PARP16: variants seen among roughly 807,000 people sequenced by gnomAD.
PARP16 encodes the protein poly(ADP-ribose) polymerase family member 16, also known as protein mono-ADP-ribosyltransferase PARP16.
A neutral mutation model predicts 35.0 loss-of-function variants in PARP16; 31 were observed. That is an observed-to-expected ratio of 0.88 (90% confidence interval 0.66 to 1.19). PARP16 has a LOEUF of 1.19. PARP16 is among the 50% of genes most tolerant of loss of function. The probability of loss-of-function intolerance (pLI) is 0.00; values close to 1 mark genes in which losing one functional copy is unlikely to be tolerated. For synonymous variants in PARP16, 162 were observed against 169.5 expected, an observed-to-expected ratio of 0.96 and a Z score of 0.34; for missense variants, 424 against 411.2, an observed-to-expected ratio of 1.03 and a Z score of -0.27.
rs144707405 is a variant in PARP16, at chr15:65,241,718, T to G, written c.*97+6399A>C. Among the ~76,000 whole-genome samples, 283 of 152,276 alleles carry G rather than the reference T, an allele frequency of 1.9e-3. 3 individuals are homozygous for G. The highest frequency in any genetic ancestry group is 6.1e-3 in the African/African-American group (253 of 41,564). On this transcript the variant is annotated intron_variant and NMD_transcript_variant, in intron 3 of 3. Coordinates refer to the PARP16 transcript ENST00000559805. Reference sequence around the variant, plus strand: ...TTTTTTATATTGAGTGTATATATTTTTATGTATTCTAGATACAAATCATTT... The same window carrying G: ...TTTTTTATATTGAGTGTATATATTTGTATGTATTCTAGATACAAATCATTT...
At chr15:65,257,741 C>A (rs538272375), downstream of PARP16, among the ~76,000 whole-genome samples, 1 of 152,160 alleles carries the variant, frequency 6.6e-6, no homozygotes, top group African/African-American at 2.4e-5. Flanking sequence ...TGACCCTAGA[C>A]CATGTTAGGA....
chr15:65,280,582 A>G (rs1020084251), intron 1 of PARP16, among the ~76,000 whole-genome samples: 2 of 152,228 alleles, frequency 1.3e-5, no homozygotes, highest in African/African-American at 4.8e-5. Context: ...TTTTAAAATT[A>G]TAAAGAAACC....
chr15:65,256,686 C>T (rs893328112), downstream of PARP16, among the ~76,000 whole-genome samples: 5 of 152,034 alleles, frequency 3.3e-5, no homozygotes, highest in African/African-American at 7.2e-5. Flanking sequence ...GGATTACAGG[C>T]GTGAGCCACC....
At chr15:65,240,791 T>C (rs2089052878) in intron 3 of PARP16, among the ~76,000 whole-genome samples, 1 of 152,152 alleles carries the variant, frequency 6.6e-6, no homozygotes, top group Admixed American at 6.5e-5. Flanking sequence ...CTGGATCATG[T>C]GGTAGGTGTA....
At chr15:65,256,731 A>G (rs2089524175), downstream of PARP16, among the ~76,000 whole-genome samples, 1 of 152,016 alleles carries the variant, frequency 6.6e-6, no homozygotes, top group Non-Finnish European at 1.5e-5. Flanking sequence ...AAGTCTTTCA[A>G]GATCTGGTCC....
intron 3 of PARP16, among the ~76,000 whole-genome samples, chr15:65,239,993 C>T (rs1332181914): frequency 2.0e-5 from 2 of 97,982 alleles, no homozygotes. Flanking sequence ...GGTCTCACTC[C>T]GTCACCCAGG....
intron 4 of PARP16, among the ~76,000 whole-genome samples, chr15:65,262,596 A>ACTCCC: frequency 6.6e-6 from 1 of 151,856 alleles, no homozygotes; most frequent in Admixed American, 6.6e-5. Flanking sequence ...AGAGCTCAGG[A>ACTCCC]CTCCCCAGCA....
intron 1 of PARP16, chr15:65,282,436 C>A (rs1032322901): frequency 6.6e-6 from 1 of 152,190 alleles, no homozygotes; most frequent in African/African-American, 2.4e-5. Flanking sequence ...GATCCAGATG[C>A]CCAGTTCTCT....
intron 1 of PARP16, 32 bp from the exon 2 acceptor site, chr15:65,271,104 G>A (rs1162787479): frequency 3.7e-6 from 6 of 1,612,856 alleles, no homozygotes; most frequent in Non-Finnish European, 5.1e-6. Context: ...CATTAGCAAG[G>A]ATCCCGGACA....
At chr15:65,265,220 T>C (rs1234650362) in intron 3 of PARP16, among the ~76,000 whole-genome samples, 3 of 152,246 alleles carry the variant, frequency 2.0e-5, no homozygotes, top group Non-Finnish European at 4.4e-5. Context: ...GGGAAAGGCC[T>C]GCAGCTCCTC....
rs139597012 is a variant in PARP16, at chr15:65,270,862, A to G, written c.312+73T>C. 50 of 1,458,046 alleles carry G rather than the reference A, an allele frequency of 3.4e-5. No homozygotes were observed. The African/African-American group carries it at 6.3e-4, about 18-fold the overall frequency. 90.3% of individuals were successfully genotyped at this position (1,458,046 alleles called of 1,614,324 possible). On this transcript the variant is annotated intron_variant, in intron 2 of 5. Transcript: ENST00000649807. The stretch of plus-strand genomic sequence containing the variant: ...TCACTGGTACACAGGGAAGTCTCAG[A>G]GCCACTGGATTCAGTGCTGTCCTAG...
chr15:65,276,255 T>C (rs900724681), intron 1 of PARP16, among the ~76,000 whole-genome samples: 3 of 152,214 alleles, frequency 2.0e-5, no homozygotes, highest in Non-Finnish European at 4.4e-5. Flanking sequence ...CTAAAACCTG[T>C]CTGCATTTTA....
intron 2 of PARP16, among the ~76,000 whole-genome samples, chr15:65,268,127 C>G (rs1206722294): frequency 6.6e-6 from 1 of 152,140 alleles, no homozygotes. Flanking sequence ...TACCAAGATC[C>G]CATCAAAAGA....
chr15:65,274,393 T>C (rs2090186729), intron 1 of PARP16, among the ~76,000 whole-genome samples: 1 of 151,666 alleles, frequency 6.6e-6, no homozygotes. Context: ...AAACCGCATC[T>C]CCACAAAACA....
At chr15:65,256,224 T>C (rs1256519923), downstream of PARP16, among the ~76,000 whole-genome samples, 3 of 152,064 alleles carry the variant, frequency 2.0e-5, no homozygotes, top group Non-Finnish European at 4.4e-5. Context: ...GTAATAATAG[T>C]AGCAGCAACT....
intron 3 of PARP16, among the ~76,000 whole-genome samples, chr15:65,237,118 C>T (rs1232855496): frequency 1.3e-5 from 2 of 151,790 alleles, no homozygotes; most frequent in African/African-American, 4.8e-5. Flanking sequence ...TGAGTCAGGC[C>T]TGGGAGGGCT....
chr15:65,282,214 T>C (rs939895275), intron 1 of PARP16, among the ~76,000 whole-genome samples: 1 of 152,296 alleles, frequency 6.6e-6, no homozygotes, highest in African/African-American at 2.4e-5. Context: ...GGTTTCGCCA[T>C]GTTGCCCAGG....
chr15:65,249,543 C>G (rs922466796), intron 2 of PARP16, among the ~76,000 whole-genome samples: 5 of 152,226 alleles, frequency 3.3e-5, no homozygotes, highest in African/African-American at 1.2e-4. Context: ...TCCTCCAGGC[C>G]TCTGCTGGAG....
Position 65,263,183 on chromosome 15 carries a change from G to C in PARP16, c.657C>G (p.Asp219Glu), listed in dbSNP as rs778826495. Residue 219 changes from aspartate to glutamate, a missense_variant, in exon 4 of 6, where the codon GAC becomes GAG. Coordinates refer to ENST00000649807, the MANE Select transcript of PARP16 (RefSeq NM_001316943.2). ...TGGTTTGGCACTTGACGTCCGGATGGTCAATGACCTCACACACGGCCACAC... is the reference window on the plus strand; with the variant it reads ...TGGTTTGGCACTTGACGTCCGGATGCTCAATGACCTCACACACGGCCACAC... ...LSCVAVCEVI[D>E]HPDVKCQTKK... The C allele has an allele frequency of 1.2e-6, 2 of 1,614,158 alleles. No homozygotes were observed. Among genetic ancestry groups the C allele is most frequent in the South Asian group, 2.2e-5 (2 of 91,068 alleles).
Sources: allele counts gnomAD v4.1 joint callset (sites outside exome capture counted in the v4.1 genomes callset), GRCh38; gene constraint gnomAD v4.1.1; transcripts MANE v1.5; gene names NCBI Gene and HGNC (gene_info 2026-07-23, HGNC 2026-07-21).